PAQR3: variants seen among roughly 807,000 people sequenced by gnomAD.
PAQR3 encodes the protein progestin and adipoQ receptor family member 3.
In PAQR3, 39 loss-of-function variants were observed where a neutral mutation model predicts 41.7. That is an observed-to-expected ratio of 0.93 (90% CI 0.72 to 1.22). PAQR3 has a LOEUF of 1.22. Ranked by LOEUF, PAQR3 falls within the 50% of genes most tolerant of loss-of-function variation. The pLI, the probability that PAQR3 is intolerant of heterozygous loss-of-function variation, is 0.00. For synonymous variants in PAQR3, 140 were observed against 140.6 expected, an observed-to-expected ratio of 1.00 and a Z score of 0.03; for missense variants, 366 against 385.6, an observed-to-expected ratio of 0.95 and a Z score of 0.42.
intron 11 of PAQR3, among the ~76,000 whole-genome samples, chr4:78,892,112 T>G (rs1246944469): frequency 6.6e-6 from 1 of 152,208 alleles, no homozygotes; most frequent in Admixed American, 6.5e-5. Flanking sequence ...TCTCGTAAAA[T>G]GAGTTGGGAA....
At chr4:78,927,174 G>A (rs1030705132) in intron 3 of PAQR3, among the ~76,000 whole-genome samples, 1 of 152,178 alleles carries the variant, frequency 6.6e-6, no homozygotes. Flanking sequence ...GCTAAAAAAT[G>A]CTTCACAGAG....
rs185909977 is a variant in PAQR3 at position 78,929,259 on chromosome 4, G to A, written c.504+911C>T. ...AACTAGTAGGTATACTGCTCCTGAG[G>A]GAGAAGCTCAGTCTTGGTTCTGAAA... On this transcript the variant is annotated intron_variant, in intron 3 of 5. Coordinates refer to ENST00000512733, the MANE Select transcript of PAQR3 (RefSeq NM_001040202.2). 2.6e-3 allele frequency among the ~76,000 whole-genome samples: 394 copies of A among 152,278 alleles called. 1 individual carries two copies. Among genetic ancestry groups the A allele is most frequent in the Non-Finnish European group, 4.4e-3 (302 of 68,028 alleles).
Position 78,914,201 on chromosome 4 carries a change from A to G in PAQR3, c.*6338T>C, listed in dbSNP as rs917956792. 1 of 152,086 alleles carries G rather than the reference A, an allele frequency of 6.6e-6. No individual in the cohort carries two copies. The highest frequency in any genetic ancestry group is 2.4e-5 in the African/African-American group (1 of 41,444). 9.4% of individuals were successfully genotyped at this position (152,086 alleles called of 1,614,324 possible). On this transcript the variant is annotated 3_prime_UTR_variant, in exon 6 of 6. Transcript: ENST00000512733. The stretch of plus-strand genomic sequence containing the variant: ...GAGGATGAACTAATGTCTCCTTCAG[A>G]TGTAAACATGAAATACCTAGAGTTT...
chr4:78,932,831 T>C (rs1003923281), intron 2 of PAQR3, among the ~76,000 whole-genome samples: 1 of 152,096 alleles, frequency 6.6e-6, no homozygotes, highest in Non-Finnish European at 1.5e-5. Context: ...AGAAGGAATA[T>C]GTTATTCCTA....
At position 78,926,413 on chromosome 4, in the gene PAQR3, C is replaced by A. The variant is rs375317430; in HGVS notation, c.702+108G>T. On this transcript the variant is annotated intron_variant, in intron 4 of 5. Coordinates refer to ENST00000512733, the MANE Select transcript of PAQR3 (RefSeq NM_001040202.2). ...CAACATGCAATTACAAATATGTTCT[C>A]AAATGACAAACATCTACCCACTTGG... The A allele has an allele frequency of 2.7e-4, 239 of 886,194 alleles. 4 individuals are homozygous for A. The East Asian group carries it at 3.7e-3, about 14-fold the overall frequency. 54.9% of individuals were successfully genotyped at this position (886,194 alleles called of 1,614,324 possible). A position where few individuals can be genotyped will look rare whatever the true frequency, so the allele number is the denominator to read the frequency against.
At chr4:78,920,774 AT>A in intron 5 of PAQR3, 93 bp from the exon 6 acceptor site, 2 of 1,386,164 alleles carry the variant, frequency 1.4e-6, no homozygotes, top group Non-Finnish European at 9.6e-7. Flanking sequence ...TAGCAGAAAA[AT>A]TTTCATAGTC....
At chr4:78,905,789 C>T (rs903127148) in intron 11 of PAQR3, among the ~76,000 whole-genome samples, 2 of 151,542 alleles carry the variant, frequency 1.3e-5, no homozygotes, top group Admixed American at 6.6e-5. Flanking sequence ...TGGCCCCAGA[C>T]ACAAATAGTG....
In PAQR3 at chr4:78,913,531, AAGG is replaced by A. The variant is rs1175531170; in HGVS notation, c.*7005_*7007del. The A allele has an allele frequency of 6.6e-6, 1 of 152,174 alleles. No individual in the cohort carries two copies. The highest frequency in any genetic ancestry group is 1.9e-4 in the East Asian group (1 of 5,206). The allele number at this position is 152,174 out of a possible 1,614,324, so 9.4% of individuals were successfully genotyped here. ...TAGAACAGTTAATGCTATTTACAGA[AAGG>A]AGTAGAAACTCATCAACTGGCACTC... On this transcript the variant is annotated 3_prime_UTR_variant, in exon 6 of 6. Coordinates refer to ENST00000512733, the MANE Select transcript of PAQR3 (RefSeq NM_001040202.2).
At chr4:78,887,419 C>T (rs1733155772) in intron 12 of PAQR3, 5 of 678,620 alleles carry the variant, frequency 7.4e-6, no homozygotes, top group Admixed American at 2.8e-5. Flanking sequence ...CTTTAGCCAT[C>T]CTACTCTTCT....
At chr4:78,937,617 C>CT (rs113445031) in intron 1 of PAQR3, among the ~76,000 whole-genome samples, 3,304 of 152,246 alleles carry the variant, frequency 0.022, 129 homozygotes, top group African/African-American at 0.076. Context: ...CTTACTGAAT[C>CT]TTTTTTTACC....
intron 1 of PAQR3, among the ~76,000 whole-genome samples, chr4:78,936,618 T>G (rs902686071): frequency 2.6e-5 from 4 of 152,220 alleles, no homozygotes; most frequent in Non-Finnish European, 4.4e-5. Flanking sequence ...GATCATGAAT[T>G]TCAGGCTTTA....
chr4:78,905,860 A>G lies in PAQR3; in HGVS notation c.*836+248T>C, dbSNP rs17003495. 9.4e-3 allele frequency among the ~76,000 whole-genome samples: 1,422 copies of G among 152,058 alleles called. 29 individuals are homozygous for G. The highest frequency in any genetic ancestry group is 0.031 in the African/African-American group (1,300 of 41,544). ...ATATGTTTAGGCAAAGAAATGGAGT[A>G]TGAAGGTTTATGGCATTCTTAGCTA... is the stretch of plus-strand genomic sequence containing the variant. On this transcript the variant is annotated intron_variant and NMD_transcript_variant, in intron 11 of 12. Transcript: ENST00000342820.
intron 5 of PAQR3, chr4:78,921,948 G>A (rs1735699194): frequency 1.0e-6 from 1 of 984,674 alleles, no homozygotes; most frequent in Non-Finnish European, 1.2e-6. Flanking sequence ...GTTACAATAA[G>A]TTTGATTGTT....
rs1309432390 is a variant in PAQR3, at chr4:78,920,248, G to C, written c.*291C>G. On this transcript the variant is annotated 3_prime_UTR_variant, in exon 6 of 6. Coordinates refer to ENST00000512733, the MANE Select transcript of PAQR3 (RefSeq NM_001040202.2). Reference sequence around the variant, plus strand: ...AAATTAAGCTGGTGCTAAGTAAAATGAATCCTATTTCAACACTAGTTTCCC... The same window carrying C: ...AAATTAAGCTGGTGCTAAGTAAAATCAATCCTATTTCAACACTAGTTTCCC... 1.9e-6 allele frequency: 2 copies of C among 1,060,884 alleles called. No homozygotes were observed. Among genetic ancestry groups the C allele is most frequent in the Non-Finnish European group, 2.3e-6 (2 of 879,494 alleles). The allele number at this position is 1,060,884 out of a possible 1,614,324, so 65.7% of individuals were successfully genotyped here.
chr4:78,900,614 A>C (rs537273254), intron 11 of PAQR3, among the ~76,000 whole-genome samples: 1 of 152,334 alleles, frequency 6.6e-6, no homozygotes, highest in South Asian at 2.1e-4. Context: ...GGCCTACCTT[A>C]CTTTGGCCAC....
In PAQR3 at chr4:78,920,463, C is replaced by T; in HGVS notation, c.*76G>A. ...GGAAAAAGGGAAAACTAATGGGAAT[C>T]TTAGAAATAGTGGGGTATACAATTC... On this transcript the variant is annotated 3_prime_UTR_variant, in exon 6 of 6. Transcript: ENST00000512733. 6.9e-7 allele frequency: 1 copy of T among 1,441,812 alleles called. No homozygotes were observed. The allele number at this position is 1,441,812 out of a possible 1,614,324, so 89.3% of individuals were successfully genotyped here. A position where few individuals can be genotyped will look rare whatever the true frequency, so the allele number is the denominator to read the frequency against.
intron 2 of PAQR3, among the ~76,000 whole-genome samples, chr4:78,932,550 A>C (rs1028983965): frequency 2.0e-5 from 3 of 152,148 alleles, no homozygotes; most frequent in Admixed American, 6.5e-5. Flanking sequence ...ATTTGGGTTA[A>C]ACTCATTGTT....
chr4:78,896,478 G>A (rs1733707287), intron 11 of PAQR3, among the ~76,000 whole-genome samples: 1 of 152,118 alleles, frequency 6.6e-6, no homozygotes, highest in Non-Finnish European at 1.5e-5. Flanking sequence ...TCTATAAAAT[G>A]GGGGTAATAG....
intron 4 of PAQR3, among the ~76,000 whole-genome samples, chr4:78,924,331 A>G (rs1398867585): frequency 6.6e-6 from 1 of 152,170 alleles, no homozygotes; most frequent in East Asian, 1.9e-4. Flanking sequence ...AATCTGTTCC[A>G]ATATCCCAGA....
Sources: gnomAD v4.1 joint callset for allele counts (sites outside exome capture counted in the v4.1 genomes callset) on GRCh38, gnomAD v4.1.1 for gene constraint, MANE v1.5 for transcripts, NCBI Gene and HGNC (gene_info 2026-07-23, HGNC 2026-07-21) for gene names.